ST13: variants seen among roughly 807,000 people sequenced by gnomAD.
ST13 encodes the protein ST13 Hsp70 interacting protein, also known as hsc70-interacting protein.
Under a neutral mutation model 56.7 loss-of-function variants are expected in ST13, and 23 were observed. The observed-to-expected ratio is 0.41, with a 90% CI of 0.29 to 0.57. ST13 has a LOEUF of 0.57. Among genes scored for constraint, ST13 ranks in the 20% least tolerant of loss-of-function variants. ST13 has a pLI of 0.36. For synonymous variants in ST13, 132 were observed against 142.4 expected (o/e 0.93, Z 0.52); for missense variants, 369 against 459.9 (o/e 0.80, Z 1.81).
At position 40,835,643 on chromosome 22, in the gene ST13, A is replaced by C; in HGVS notation, c.495T>G (p.Asn165Lys). Residue 165 changes from asparagine to lysine, a missense_variant, in exon 7 of 12, where the codon AAT becomes AAG. By Grantham distance (94) the Asn-to-Lys change is moderately conservative (BLOSUM62 0). This residue lies in a region of ST13 where 64 missense variants were observed against 125.1 expected (regional missense o/e 0.51). Transcript: ENST00000216218. ...CTCTGTCACAGTCTCGGATGGCAGC[A>C]TTTGGCTTCTGTAATTTGACGAAGA... ...ASVFVKLQKP[N>K]AAIRDCDRAI... The C allele has an allele frequency of 6.2e-7, 1 of 1,614,020 alleles. No individual in the cohort carries two copies. Among genetic ancestry groups the C allele is most frequent in the Non-Finnish European group, 8.5e-7 (1 of 1,179,982 alleles).
intron 3 of ST13, among the ~76,000 whole-genome samples, chr22:40,845,376 C>G (rs1054653258): frequency 6.6e-6 from 1 of 151,754 alleles, no homozygotes; most frequent in African/African-American, 2.4e-5. Flanking sequence ...TTGGGGGGGG[C>G]ACAGGATCTT....
chr22:40,856,009 T>C (rs2057891697), intron 1 of ST13, among the ~76,000 whole-genome samples: 1 of 151,784 alleles, frequency 6.6e-6, no homozygotes, highest in Non-Finnish European at 1.5e-5. Flanking sequence ...TTACTAGTGT[T>C]ATATTATTAT....
Position 40,826,970 on chromosome 22 carries a change from A to G in ST13, c.981+126T>C, listed in dbSNP as rs1446133673. 9.8e-6 allele frequency: 11 copies of G among 1,120,706 alleles called. No homozygotes were observed. In the Admixed American group the frequency reaches 2.8e-4, roughly 28 times the overall value. 69.4% of individuals were successfully genotyped at this position (1,120,706 alleles called of 1,614,324 possible). On this transcript the variant is annotated intron_variant, in intron 11 of 11. Transcript: ENST00000216218. ...TAAAGAAAATAAATGTCACTCTTGCATAATTAGCTATTTGGTAACTGTGAT... is the reference window on the plus strand; with the variant it reads ...TAAAGAAAATAAATGTCACTCTTGCGTAATTAGCTATTTGGTAACTGTGAT...
chr22:40,831,158 G>C lies in ST13; in HGVS notation c.682-202C>G, dbSNP rs953452275. The stretch of plus-strand genomic sequence containing the variant: ...TGAGGCACTGTAAAACAGAGTAAAG[G>C]GGCCTGGGATTTGAAGTTAGAAATG... On this transcript the variant is annotated intron_variant, in intron 8 of 11. Transcript: ENST00000216218. Among the ~76,000 whole-genome samples the C allele has an allele frequency of 3.9e-5, 6 of 152,312 alleles. No homozygotes were observed. The East Asian group carries it at 9.6e-4, about 24-fold the overall frequency.
At chr22:40,852,416 T>C (rs552679492) in intron 1 of ST13, among the ~76,000 whole-genome samples, 1 of 152,352 alleles carries the variant, frequency 6.6e-6, no homozygotes, top group South Asian at 2.1e-4. Context: ...GTATTCTGCA[T>C]ATGAACCCTT....
At chr22:40,832,494 A>T in intron 8 of ST13, 75 bp downstream of exon 8, 1 of 1,057,634 alleles carries the variant, frequency 9.5e-7, no homozygotes, top group Non-Finnish European at 1.4e-6. Flanking sequence ...CAGATGAATT[A>T]CAGCTGTCGG....
chr22:40,834,147 C>T (rs927332172), intron 7 of ST13, among the ~76,000 whole-genome samples: 6 of 151,654 alleles, frequency 4.0e-5, no homozygotes, highest in South Asian at 2.1e-4. Flanking sequence ...CATGGTGGGG[C>T]GCGACTGTAA....
intron 2 of ST13, 94 bp downstream of exon 2, chr22:40,850,729 A>C (rs2057856994): frequency 2.2e-6 from 2 of 892,258 alleles, no homozygotes; most frequent in East Asian, 5.0e-5. Flanking sequence ...TGGGGAAATC[A>C]GGAGTGATAA....
chr22:40,849,358 G>A (rs949166742), intron 2 of ST13, among the ~76,000 whole-genome samples: 1 of 151,584 alleles, frequency 6.6e-6, no homozygotes, highest in African/African-American at 2.4e-5. Context: ...GGCACCTGTA[G>A]TCCCAGCTAC....
chr22:40,835,135 T>C (rs2057771228), intron 7 of ST13, among the ~76,000 whole-genome samples: 2 of 152,200 alleles, frequency 1.3e-5, no homozygotes, highest in Admixed American at 6.5e-5. Context: ...GCATACTCCT[T>C]CTTCTATAAT....
intron 9 of ST13, among the ~76,000 whole-genome samples, chr22:40,830,172 T>C (rs1187602999): frequency 2.6e-5 from 4 of 152,224 alleles, no homozygotes; most frequent in Non-Finnish European, 5.9e-5. Flanking sequence ...ATATTGCTTT[T>C]AAATATCAAG....
chr22:40,833,442 G>A (rs571493363), intron 7 of ST13, among the ~76,000 whole-genome samples: 2 of 151,940 alleles, frequency 1.3e-5, no homozygotes, highest in African/African-American at 4.8e-5. Context: ...GCAGGCGCCT[G>A]TAGTCCCAGC....
intron 4 of ST13, among the ~76,000 whole-genome samples, chr22:40,842,792 T>G (rs1236491615): frequency 6.6e-6 from 1 of 152,200 alleles, no homozygotes; most frequent in Non-Finnish European, 1.5e-5. Context: ...AACATAACAT[T>G]TAACCTTTAA....
chr22:40,826,773 A>T (rs2057730520), intron 11 of ST13, 107 bp from the exon 12 acceptor site: 1 of 1,328,538 alleles, frequency 7.5e-7, no homozygotes, highest in Non-Finnish European at 1.0e-6. Flanking sequence ...GTGATAGTTA[A>T]GTTAAATGGG....
Position 40,835,822 on chromosome 22 carries a change from A to G in ST13, c.448T>C (p.Leu150=), listed in dbSNP as rs202044791. The G allele has an allele frequency of 6.2e-7, 1 of 1,613,832 alleles. No homozygotes were observed. Among genetic ancestry groups the G allele is most frequent in the Non-Finnish European group, 8.5e-7 (1 of 1,179,964 alleles). Residue 150 remains leucine (L), a synonymous_variant, in exon 6 of 12, where the codon TTG becomes CTG. Coordinates refer to ENST00000216218, the MANE Select transcript of ST13 (RefSeq NM_003932.5). The part of the protein sequence containing the change: ...AIKLNPRLAI[L]YAKRASVFVK... ...TCTCACCTGGCCCTCTTGGCATACA[A>G]AATGGCCAAGCGAGGATTCAGCTTG...
intron 8 of ST13, among the ~76,000 whole-genome samples, chr22:40,831,296 G>A (rs2057752677): frequency 6.6e-6 from 1 of 152,210 alleles, no homozygotes; most frequent in East Asian, 1.9e-4. Context: ...CAGACGGACA[G>A]CTGAATTCAG....
chr22:40,847,619 A>T (rs1420996417), intron 3 of ST13, among the ~76,000 whole-genome samples: 1 of 152,100 alleles, frequency 6.6e-6, no homozygotes, highest in Non-Finnish European at 1.5e-5. Context: ...ATGTAACCCA[A>T]CTTTTTCTAA....
intron 4 of ST13, among the ~76,000 whole-genome samples, chr22:40,841,745 C>T (rs930747531): frequency 1.4e-5 from 2 of 146,170 alleles, no homozygotes; most frequent in African/African-American, 5.2e-5. Flanking sequence ...ATGCTCGCAA[C>T]CTACTAAATG....
intron 1 of ST13, among the ~76,000 whole-genome samples, chr22:40,855,831 G>A (rs919899181): frequency 2.6e-5 from 4 of 151,098 alleles, no homozygotes; most frequent in Non-Finnish European, 4.4e-5. Flanking sequence ...CAGGCCTTAA[G>A]AAATTATTTT....
Sources: allele counts gnomAD v4.1 joint callset (sites outside exome capture counted in the v4.1 genomes callset), GRCh38; gene constraint gnomAD v4.1.1; regional missense constraint gnomAD v4.1.1; transcripts MANE v1.5; gene names NCBI Gene and HGNC (gene_info 2026-07-23, HGNC 2026-07-21).